Variants in CNIH3 observed in about 807,000 individuals in gnomAD.
CNIH3 encodes the protein protein cornichon homolog 3.
In CNIH3, 14 loss-of-function variants were observed where a neutral mutation model predicts 24.1. The observed-to-expected ratio is 0.58, with a 90% CI of 0.38 to 0.91. The LOEUF is 0.91. Ranked by LOEUF, CNIH3 falls within the 40% of genes least tolerant of loss-of-function variation. CNIH3 has a pLI of 0.00. For missense variants in CNIH3, 178 were observed against 196.8 expected (o/e 0.90, Z 0.57); for synonymous variants, 68 against 73.8 (o/e 0.92, Z 0.40).
intron 3 of CNIH3, among the ~76,000 whole-genome samples, chr1:224,689,997 GCATAT>G (rs1198355394): frequency 6.6e-6 from 1 of 152,094 alleles, no homozygotes; most frequent in Non-Finnish European, 1.5e-5. Context: ...CCGCTTTTGG[GCATAT>G]AAAGGGTTCT....
At chr1:224,674,615 G>C (rs1460326300) in intron 1 of CNIH3, among the ~76,000 whole-genome samples, 1 of 152,046 alleles carries the variant, frequency 6.6e-6, no homozygotes, top group African/African-American at 2.4e-5. Flanking sequence ...TGTGGTTGGG[G>C]GAACAGGGAG....
At chr1:224,688,066 G>T (rs544049297) in intron 3 of CNIH3, among the ~76,000 whole-genome samples, 11 of 152,314 alleles carry the variant, frequency 7.2e-5, no homozygotes, top group Admixed American at 2.6e-4. Flanking sequence ...GTTACCTGTA[G>T]ATGTTAGGAC....
At chr1:224,477,266 G>A (rs57397695) in intron 1 of CNIH3, among the ~76,000 whole-genome samples, 3,742 of 151,312 alleles carry the variant, frequency 0.025, 156 homozygotes, top group African/African-American at 0.086. Flanking sequence ...AAAAGTTCAC[G>A]ATGTGAGTCT....
chr1:224,500,751 G>A (rs1041133502), intron 1 of CNIH3, among the ~76,000 whole-genome samples: 14 of 152,178 alleles, frequency 9.2e-5, no homozygotes, highest in South Asian at 8.3e-4. Flanking sequence ...TGTTTCTGAC[G>A]TACATCTGCC....
At chr1:224,486,161 A>G (rs926949504) in intron 1 of CNIH3, among the ~76,000 whole-genome samples, 4 of 152,108 alleles carry the variant, frequency 2.6e-5, no homozygotes, top group Non-Finnish European at 5.9e-5. Flanking sequence ...GCTGAAATGC[A>G]ATGGTGTGAT....
chr1:224,502,145 C>T (rs969236554), intron 1 of CNIH3, among the ~76,000 whole-genome samples: 3 of 152,028 alleles, frequency 2.0e-5, no homozygotes, highest in African/African-American at 4.8e-5. Context: ...ATACGGCTCC[C>T]GGAGAGTGAA....
intron 2 of CNIH3, among the ~76,000 whole-genome samples, chr1:224,525,274 A>C (rs1678800996): frequency 6.6e-6 from 1 of 152,238 alleles, no homozygotes; most frequent in Non-Finnish European, 1.5e-5. Context: ...GTGTCATGCA[A>C]CTTTTAACTA....
At chr1:224,701,509 T>A (rs1303893413) in intron 3 of CNIH3, among the ~76,000 whole-genome samples, 1 of 152,178 alleles carries the variant, frequency 6.6e-6, no homozygotes, top group Admixed American at 6.5e-5. Flanking sequence ...ACCCTCATGT[T>A]GTCATCTAAT....
Position 224,616,946 on chromosome 1 carries a change from C to A in CNIH3, c.-229C>A, listed in dbSNP as rs1429338671. ...GTTCCCTCCAGCGACTCTCGACACA[C>A]GTTTTCCTGTCTTCGCCGGAGGGCC... On this transcript the variant is annotated 5_prime_UTR_variant, in exon 1 of 6. Coordinates refer to ENST00000272133, the MANE Select transcript of CNIH3 (RefSeq NM_152495.2). The A allele has an allele frequency of 8.7e-6, 12 of 1,384,308 alleles. No homozygotes were observed. In the African/African-American group the frequency reaches 1.6e-4, roughly 19 times the overall value. The allele number at this position is 1,384,308 out of a possible 1,614,324, so 85.8% of individuals were successfully genotyped here.
chr1:224,472,236 ATTGCCTGTCTT>A (rs1676402712), intron 1 of CNIH3, among the ~76,000 whole-genome samples: 2 of 152,110 alleles, frequency 1.3e-5, no homozygotes, highest in African/African-American at 4.8e-5. Flanking sequence ...AGCATTTGTT[ATTGCCTGTCTT>A]TTGCATAAAA....
chr1:224,679,800 C>G (rs1163843604), intron 1 of CNIH3, among the ~76,000 whole-genome samples: 1 of 152,226 alleles, frequency 6.6e-6, no homozygotes, highest in East Asian at 1.9e-4. Flanking sequence ...TTGGGGACAT[C>G]TGGGGGCGGG....
chr1:224,546,793 A>G (rs1679720170), intron 2 of CNIH3: 1 of 569,944 alleles, frequency 1.8e-6, no homozygotes, highest in Admixed American at 6.3e-5. Flanking sequence ...GACAAATAAA[A>G]CCATTCAAGT....
At chr1:224,460,938 T>G (rs1432490818) in intron 1 of CNIH3, among the ~76,000 whole-genome samples, 1 of 151,858 alleles carries the variant, frequency 6.6e-6, no homozygotes, top group Non-Finnish European at 1.5e-5. Context: ...AGCCACTGCA[T>G]CCAGCCAGTT....
At chr1:224,502,068 G>T (rs1257281154) in intron 1 of CNIH3, among the ~76,000 whole-genome samples, 1 of 152,112 alleles carries the variant, frequency 6.6e-6, no homozygotes, top group African/African-American at 2.4e-5. Context: ...GCCTTGTTCA[G>T]AATGGTTTGC....
Position 224,730,695 on chromosome 1 carries a change from GTCTC to G in CNIH3, c.311+127_311+130del, listed in dbSNP as rs1016488964. The G allele has an allele frequency of 1.1e-5, 7 of 644,746 alleles. No individual in the cohort carries two copies. In the African/African-American group the frequency reaches 1.3e-4, roughly 12 times the overall value. The allele number at this position is 644,746 out of a possible 1,614,324, so 39.9% of individuals were successfully genotyped here. ...CTTCCAATCATCCCTTCCTTTCTGG[GTCTC>G]TCTCTTTAAAGCCTGTTCCCAAACT... On this transcript the variant is annotated intron_variant, in intron 4 of 5. Coordinates refer to ENST00000272133, the MANE Select transcript of CNIH3 (RefSeq NM_152495.2).
At chr1:224,605,246 G>A (rs567463341) in intron 3 of CNIH3, among the ~76,000 whole-genome samples, 11 of 152,272 alleles carry the variant, frequency 7.2e-5, no homozygotes, top group African/African-American at 2.6e-4. Flanking sequence ...GCTTGGAGGT[G>A]GGGTTTCACC....
chr1:224,681,987 G>A (rs540345500), intron 2 of CNIH3, among the ~76,000 whole-genome samples: 15 of 152,194 alleles, frequency 9.9e-5, no homozygotes, highest in East Asian at 1.9e-4. Flanking sequence ...GCCAGAAGTC[G>A]TAGAGAGAAC....
chr1:224,616,417 G>C lies in CNIH3; in HGVS notation c.-758G>C. 1 of 967,068 alleles carries C rather than the reference G, an allele frequency of 1.0e-6. No individual in the cohort carries two copies. Among genetic ancestry groups the C allele is most frequent in the Non-Finnish European group, 1.2e-6 (1 of 809,000 alleles). 59.9% of individuals were successfully genotyped at this position (967,068 alleles called of 1,614,324 possible). ...ACCCACTGCTGCAGCCACCCGGGCTGGAGTTGGCCCGTTGGGTGGAGCCAG... is the reference window on the plus strand; with the variant it reads ...ACCCACTGCTGCAGCCACCCGGGCTCGAGTTGGCCCGTTGGGTGGAGCCAG... On this transcript the variant is annotated 5_prime_UTR_variant, in exon 1 of 6. Transcript: ENST00000272133.
At chr1:224,456,092 C>T (rs1488992688) in intron 1 of CNIH3, among the ~76,000 whole-genome samples, 1 of 152,186 alleles carries the variant, frequency 6.6e-6, no homozygotes, top group African/African-American at 2.4e-5. Flanking sequence ...TTACTCAACT[C>T]ACATAAAAAG....
Sources: gnomAD v4.1 joint callset for allele counts (sites outside exome capture counted in the v4.1 genomes callset) on GRCh38, gnomAD v4.1.1 for gene constraint, MANE v1.5 for transcripts, NCBI Gene and HGNC (gene_info 2026-07-23, HGNC 2026-07-21) for gene names.